The following KIF1A variants were observed in gnomAD, a reference collection of about 807,000 sequenced individuals.
KIF1A encodes kinesin-like protein KIF1A.
KIF1A carries 46 observed loss-of-function variants against 227.3 expected under a neutral mutation model. That is an observed-to-expected ratio of 0.20 (90% CI 0.16 to 0.26). The LOEUF (loss-of-function observed/expected upper bound fraction) is 0.26, where lower values mean the gene tolerates loss of function less well. KIF1A is among the 10% of genes least tolerant of loss of function. KIF1A has a pLI of 1.00. For missense variants in KIF1A, 1,683 were observed against 2,485.9 expected, an observed-to-expected ratio of 0.68 and a Z score of 6.87; for synonymous variants, 1,022 against 1,012.8, an observed-to-expected ratio of 1.01 and a Z score of -0.17.
intron 28 of KIF1A, among the ~76,000 whole-genome samples, chr2:240,749,707 G>A (rs11689162): frequency 0.16 from 23,599 of 152,234 alleles, 2,206 homozygotes; most frequent in Middle Eastern, 0.24. Flanking sequence ...GCATTACAAC[G>A]GATCCCGTTT....
intron 18 of KIF1A, 35 bp downstream of exon 18, chr2:240,767,231 G>A (rs771656329): frequency 5.8e-5 from 91 of 1,562,196 alleles, no homozygotes; most frequent in South Asian, 1.1e-4. Flanking sequence ...CCCAGGGCCT[G>A]GCCAGGCTGG....
chr2:240,729,863 C>T (rs2046410675), intron 38 of KIF1A, among the ~76,000 whole-genome samples: 2 of 152,232 alleles, frequency 1.3e-5, no homozygotes, highest in Admixed American at 1.3e-4. Flanking sequence ...TGTCCCCTCC[C>T]CCAGGTGCCA....
intron 38 of KIF1A, among the ~76,000 whole-genome samples, chr2:240,734,913 C>T (rs1462190303): frequency 7.2e-5 from 11 of 152,282 alleles, no homozygotes; most frequent in South Asian, 2.1e-4. Context: ...CATGGAAAAG[C>T]GCATGGAAGG....
intron 29 of KIF1A, among the ~76,000 whole-genome samples, chr2:240,746,540 C>T (rs542348944): frequency 1.3e-5 from 2 of 152,224 alleles, no homozygotes; most frequent in African/African-American, 4.8e-5. Context: ...CTTGGGCATC[C>T]CCAATACTGA....
intron 1 of KIF1A, among the ~76,000 whole-genome samples, chr2:240,810,735 C>A (rs994540712): frequency 6.6e-6 from 1 of 152,162 alleles, no homozygotes; most frequent in African/African-American, 2.4e-5. Context: ...TCAGGGCAGA[C>A]GATGACACTC....
intron 5 of KIF1A, among the ~76,000 whole-genome samples, 197 bp from the exon 6 acceptor site, chr2:240,786,710 A>AGTGAGGGGATGGGAGCCAGCATCAGGG (rs1559529661): frequency 2.8e-5 from 3 of 105,602 alleles, no homozygotes; most frequent in Non-Finnish European, 6.0e-5. Context: ...CAGCATCAGG[A>AGTGAGGGGATGGGAGCCAGCATCAGGG]CCCCTGAGTG....
rs564349484 is a variant in KIF1A at position 240,787,157 on chromosome 2, G to A, written c.429+94C>T. On this transcript the variant is annotated intron_variant, in intron 5 of 48. Transcript: ENST00000498729. The stretch of plus-strand genomic sequence containing the variant: ...AGGGACAAGCTGGGCGTGCAGACCC[G>A]TGGTGGGCACTCACTTTGCATCAGA... 7.6e-5 allele frequency: 78 copies of A among 1,028,520 alleles called. No individual in the cohort carries two copies. The African/African-American group carries it at 9.6e-4, about 13-fold the overall frequency. 63.7% of individuals were successfully genotyped at this position (1,028,520 alleles called of 1,614,324 possible).
intron 1 of KIF1A, among the ~76,000 whole-genome samples, chr2:240,804,499 C>T (rs956898225): frequency 2.6e-5 from 4 of 152,030 alleles, no homozygotes; most frequent in Non-Finnish European, 5.9e-5. Context: ...TTTGGTGATA[C>T]CAGAAACCAG....
chr2:240,819,547 C>T (rs1351178629), intron 1 of KIF1A, among the ~76,000 whole-genome samples: 6 of 151,512 alleles, frequency 4.0e-5, no homozygotes, highest in African/African-American at 7.3e-5. Flanking sequence ...CCGGCTCCAG[C>T]ATCCGCCCTC....
intron 29 of KIF1A, among the ~76,000 whole-genome samples, chr2:240,746,813 A>G (rs1189976552): frequency 6.6e-6 from 1 of 152,226 alleles, no homozygotes; most frequent in Non-Finnish European, 1.5e-5. Flanking sequence ...GACCGCAGGT[A>G]GGCAGCCTCA....
In KIF1A at chr2:240,758,779, G is replaced by A. The variant is rs1402080312; in HGVS notation, c.2445-282C>T. 6.6e-6 allele frequency among the ~76,000 whole-genome samples: 1 copy of A among 152,188 alleles called. No homozygotes were observed. Among genetic ancestry groups the A allele is most frequent in the East Asian group, 1.9e-4 (1 of 5,186 alleles). Reference sequence around the variant, plus strand: ...GGGGAACAAGCAGTGAGGGGCTAGAGGGGCTGGCGGCACTGGGCTGCTGGA... The same window carrying A: ...GGGGAACAAGCAGTGAGGGGCTAGAAGGGCTGGCGGCACTGGGCTGCTGGA... On this transcript the variant is annotated intron_variant, in intron 25 of 48. Transcript: ENST00000498729. The surrounding 1 kb of genome is among the most constrained non-coding windows in gnomAD (Gnocchi z 5.2).
chr2:240,771,636 C>T (rs576301999), intron 14 of KIF1A, among the ~76,000 whole-genome samples: 6 of 152,284 alleles, frequency 3.9e-5, no homozygotes, highest in South Asian at 2.1e-4. Flanking sequence ...CAGACCCCCA[C>T]GCTTGTCCTC....
At chr2:240,751,817 C>T (rs919458720) in intron 27 of KIF1A, among the ~76,000 whole-genome samples, 1 of 152,014 alleles carries the variant, frequency 6.6e-6, no homozygotes, top group African/African-American at 2.4e-5. Context: ...CCATGGATGC[C>T]CCGGGTGTCT....
At position 240,746,030 on chromosome 2, in the gene KIF1A, G is replaced by A. The variant is rs1448734200; in HGVS notation, c.3202+9C>T. 1 of 1,607,312 alleles carries A rather than the reference G, an allele frequency of 6.2e-7. No individual in the cohort carries two copies. The highest frequency in any genetic ancestry group is 8.5e-7 in the Non-Finnish European group (1 of 1,177,378). ...CCTACGCCCTGGGCAGCTGGGGTGG[G>A]CGACCCACCTGAACAGGTGTTGTTG... On this transcript the variant is annotated intron_variant, in intron 30 of 48. Coordinates refer to ENST00000498729, the MANE Select transcript of KIF1A (RefSeq NM_001244008.2).
At chr2:240,751,770 C>T (rs980436232) in intron 27 of KIF1A, among the ~76,000 whole-genome samples, 1 of 152,146 alleles carries the variant, frequency 6.6e-6, no homozygotes, top group African/African-American at 2.4e-5. Flanking sequence ...GCCCTGCCTC[C>T]CCAGCACAGT....
intron 45 of KIF1A, chr2:240,720,629 A>G (rs1288110422): frequency 2.5e-5 from 7 of 283,608 alleles, no homozygotes; most frequent in Non-Finnish European, 3.3e-5. Context: ...ATTATTTTAT[A>G]AGCACTGTCT....
Position 240,752,716 on chromosome 2 carries a change from C to T in KIF1A, c.2859-2169G>A, listed in dbSNP as rs550874039. On this transcript the variant is annotated intron_variant, in intron 27 of 48. Transcript: ENST00000498729. This position sits in a 1 kb window ranked among gnomAD's most constrained non-coding sequence, Gnocchi z 6.4. The stretch of plus-strand genomic sequence containing the variant: ...AGCCCCCACCCACCCCACATTTTCC[C>T]AGAGCTAGTGCCCACTGCAAAAATC... 3.9e-5 allele frequency among the ~76,000 whole-genome samples: 6 copies of T among 152,088 alleles called. No individual in the cohort carries two copies. The highest frequency in any genetic ancestry group is 7.4e-5 in the Non-Finnish European group (5 of 68,002).
chr2:240,785,162 G>C, intron 6 of KIF1A, 62 bp from the exon 7 acceptor site: 1 of 1,359,930 alleles, frequency 7.4e-7, no homozygotes, highest in Non-Finnish European at 1.0e-6. Flanking sequence ...GAGATCGCCG[G>C]TGGTGCCAGC....
In KIF1A at chr2:240,717,341, G is replaced by T. The variant is rs531276835; in HGVS notation, c.*23C>A. 3.5e-4 allele frequency: 569 copies of T among 1,607,466 alleles called. 7 individuals are homozygous for T. In the South Asian group the frequency reaches 6.0e-3, roughly 17 times the overall value. On this transcript the variant is annotated 3_prime_UTR_variant, in exon 49 of 49. Coordinates refer to ENST00000498729, the MANE Select transcript of KIF1A (RefSeq NM_001244008.2). ...AGGGAGGGGATGGGCTGGGCCTGCC[G>T]GCTGTCACGGGAGGGCTCAGGTTCA...
Sources: gnomAD v4.1 joint callset for allele counts (sites outside exome capture counted in the v4.1 genomes callset) on GRCh38, gnomAD v4.1.1 for gene constraint, Gnocchi (gnomAD v3.1) non-coding constraint, MANE v1.5 for transcripts, NCBI Gene and HGNC (gene_info 2026-07-23, HGNC 2026-07-21) for gene names.